Variants in RBM19 observed in about 807,000 individuals in gnomAD.
The protein encoded by RBM19 is RNA binding motif protein 19.
A neutral mutation model predicts 116.8 loss-of-function variants in RBM19; 94 were observed. The ratio of observed to expected loss-of-function variants is 0.80; its 90% CI spans 0.68 to 0.95. The LOEUF is 0.95. RBM19 is among the 40% of genes least tolerant of loss of function. The pLI, the probability that RBM19 is intolerant of heterozygous loss-of-function variation, is 0.00. For missense variants in RBM19, 1,161 were observed against 1,220.7 expected, an observed-to-expected ratio of 0.95 and a Z score of 0.73; for synonymous variants, 475 against 494.1, an observed-to-expected ratio of 0.96 and a Z score of 0.51.
chr12:113,864,306 C>CA (rs1878646800), intron 21 of RBM19, among the ~76,000 whole-genome samples: 1 of 152,210 alleles, frequency 6.6e-6, no homozygotes, highest in South Asian at 2.1e-4. Context: ...TGATTGGGGG[C>CA]AGCTGCATGG....
At chr12:113,897,311 G>A (rs376777181) in intron 21 of RBM19, among the ~76,000 whole-genome samples, 4 of 152,158 alleles carry the variant, frequency 2.6e-5, no homozygotes, top group East Asian at 3.8e-4. Context: ...GATTACAGGC[G>A]CCCACCACCA....
Position 113,862,023 on chromosome 12 carries a change from T to C in RBM19, c.2559-3127A>G, listed in dbSNP as rs144689438. On this transcript the variant is annotated intron_variant, in intron 21 of 23. Coordinates refer to ENST00000261741, the MANE Select transcript of RBM19 (RefSeq NM_016196.4). ...TACAGTGAGCAGGTTTCTTTCCTCC[T>C]TCTAAGAACAGGACATGAGAGAACT... 4.6e-3 allele frequency among the ~76,000 whole-genome samples: 706 copies of C among 152,342 alleles called. 6 individuals carry two copies. Among genetic ancestry groups the C allele is most frequent in the African/African-American group, 0.015 (629 of 41,574 alleles).
At chr12:113,920,805 C>T in intron 18 of RBM19, 115 bp from the exon 19 acceptor site, 2 of 880,216 alleles carry the variant, frequency 2.3e-6, no homozygotes, top group South Asian at 1.5e-5. Flanking sequence ...TTTCATACCC[C>T]CTTCATTCCC....
chr12:113,846,522 G>A (rs573312731), intron 22 of RBM19, among the ~76,000 whole-genome samples: 2 of 152,290 alleles, frequency 1.3e-5, no homozygotes, highest in African/African-American at 4.8e-5. Context: ...GCCATGTGAA[G>A]ACAGAGACAC....
chr12:113,906,606 T>A (rs749211398), intron 21 of RBM19, among the ~76,000 whole-genome samples: 29 of 152,134 alleles, frequency 1.9e-4, no homozygotes, highest in Non-Finnish European at 3.7e-4. Flanking sequence ...TCTGCACGCA[T>A]GCTAGCTGGC....
intron 22 of RBM19, among the ~76,000 whole-genome samples, chr12:113,845,869 G>A (rs983205545): frequency 2.0e-5 from 3 of 152,176 alleles, no homozygotes; most frequent in South Asian, 4.1e-4. Context: ...GACAGACCCC[G>A]CAGGTCCTAA....
rs558725198 is a variant in RBM19 at position 113,887,558 on chromosome 12, A to G, written c.2558+27411T>C. On this transcript the variant is annotated intron_variant, in intron 21 of 23. Transcript: ENST00000261741. ...AGGCTGAGGCAGGAGAATCGCTTAA[A>G]CCCGGGAGTGAGGTTGCAGTGAGCC... 0.027 allele frequency among the ~76,000 whole-genome samples: 10 copies of G among 370 alleles called. No individual in the cohort carries two copies. The East Asian group carries it at 0.41, about 15-fold the overall frequency. 0.2% of individuals were successfully genotyped at this position (370 alleles called of 152,430 possible).
At chr12:113,960,668 G>C (rs1006529712) in intron 2 of RBM19, among the ~76,000 whole-genome samples, 1 of 152,154 alleles carries the variant, frequency 6.6e-6, no homozygotes, top group Non-Finnish European at 1.5e-5. Flanking sequence ...GATGGCATGA[G>C]ATGACCTGGG....
intron 22 of RBM19, among the ~76,000 whole-genome samples, chr12:113,854,710 A>G (rs1298913870): frequency 2.0e-5 from 3 of 152,178 alleles, no homozygotes; most frequent in Non-Finnish European, 4.4e-5. Context: ...GCAGATGGTC[A>G]GGACCCACCC....
intron 22 of RBM19, among the ~76,000 whole-genome samples, chr12:113,853,577 C>T (rs1324397007): frequency 6.6e-6 from 1 of 152,228 alleles, no homozygotes; most frequent in African/African-American, 2.4e-5. Flanking sequence ...CCGTGTTGCC[C>T]TTCCTTTCTT....
intron 23 of RBM19, among the ~76,000 whole-genome samples, chr12:113,838,089 T>C (rs1876120444): frequency 6.6e-6 from 1 of 152,154 alleles, no homozygotes; most frequent in Non-Finnish European, 1.5e-5. Context: ...TACCCAACGA[T>C]TCCAGTTCAG....
chr12:113,859,745 T>C (rs1052513529), intron 21 of RBM19, among the ~76,000 whole-genome samples: 4 of 152,210 alleles, frequency 2.6e-5, no homozygotes, highest in Admixed American at 6.5e-5. Context: ...TTATCAAATA[T>C]ATATGCACAA....
chr12:113,846,838 G>A (rs912182930), intron 22 of RBM19, among the ~76,000 whole-genome samples: 4 of 152,114 alleles, frequency 2.6e-5, no homozygotes, highest in African/African-American at 7.2e-5. Flanking sequence ...TTGGCCTACC[G>A]AGTAACTGGG....
chr12:113,847,999 T>A (rs1877136278), intron 22 of RBM19, among the ~76,000 whole-genome samples: 1 of 152,216 alleles, frequency 6.6e-6, no homozygotes, highest in African/African-American at 2.4e-5. Context: ...GCTCTGCTGC[T>A]GGCCTGCCTT....
intron 23 of RBM19, among the ~76,000 whole-genome samples, chr12:113,831,585 A>T (rs1875414145): frequency 6.6e-6 from 1 of 152,198 alleles, no homozygotes; most frequent in Non-Finnish European, 1.5e-5. Flanking sequence ...GAGCACGAGA[A>T]ATGGCCCGGC....
At chr12:113,864,990 C>T (rs988239969) in intron 21 of RBM19, among the ~76,000 whole-genome samples, 7 of 152,150 alleles carry the variant, frequency 4.6e-5, no homozygotes, top group Non-Finnish European at 1.0e-4. Flanking sequence ...GCCACTACTG[C>T]CTGGAGTTCT....
chr12:113,936,852 G>C (rs1226609424), intron 16 of RBM19, 155 bp downstream of exon 16: 2 of 968,248 alleles, frequency 2.1e-6, no homozygotes, highest in African/African-American at 3.3e-5. Context: ...TACAGGACAT[G>C]CCCATAAAAT....
intron 22 of RBM19, among the ~76,000 whole-genome samples, chr12:113,853,276 C>T (rs994884839): frequency 3.3e-5 from 5 of 152,216 alleles, no homozygotes; most frequent in African/African-American, 1.2e-4. Context: ...TTGTTTACCA[C>T]AGTGAGAACA....
At chr12:113,867,136 C>T (rs1878872088) in intron 21 of RBM19, among the ~76,000 whole-genome samples, 1 of 152,250 alleles carries the variant, frequency 6.6e-6, no homozygotes, top group African/African-American at 2.4e-5. Flanking sequence ...GTTGTGTTCA[C>T]ATCATGTAGC....
Sources: allele counts gnomAD v4.1 joint callset (sites outside exome capture counted in the v4.1 genomes callset), GRCh38; gene constraint gnomAD v4.1.1; transcripts MANE v1.5; gene names NCBI Gene and HGNC (gene_info 2026-07-23, HGNC 2026-07-21).